Variants in TOX observed in about 807,000 individuals in gnomAD.
The protein encoded by TOX is thymocyte selection associated high mobility group box, also known as thymocyte selection-associated high mobility group box protein TOX.
Under a neutral mutation model 53.7 loss-of-function variants are expected in TOX, and 11 were observed. The ratio of observed to expected loss-of-function variants is 0.20; its 90% CI spans 0.13 to 0.34. The LOEUF is 0.34. TOX is among the 10% of genes least tolerant of loss of function. The pLI is 1.00. For missense variants in TOX, 570 were observed against 664.6 expected, an observed-to-expected ratio of 0.86 and a Z score of 1.56; for synonymous variants, 225 against 245.3, an observed-to-expected ratio of 0.92 and a Z score of 0.77.
chr8:58,907,465 T>C (rs1164435434), intron 3 of TOX, among the ~76,000 whole-genome samples: 1 of 152,100 alleles, frequency 6.6e-6, no homozygotes, highest in East Asian at 1.9e-4. Flanking sequence ...TGTGATGGCG[T>C]GCACGTGTAA....
intron 1 of TOX, among the ~76,000 whole-genome samples, chr8:59,114,719 C>T (rs1002475243): frequency 3.9e-5 from 6 of 152,282 alleles, no homozygotes; most frequent in Non-Finnish European, 8.8e-5. Flanking sequence ...TTGACCTACT[C>T]TTCCTCCCAT....
At position 58,807,790 on chromosome 8, in the gene TOX, GA is replaced by G. The variant is rs1563358122; in HGVS notation, c.1545-8del. ...TTTGTCCCTCTGCATGCCCCTGTAG[GA>G]AGAGAAAAAAGACAGTTCCTTGTTA... On this transcript the variant is annotated splice_polypyrimidine_tract_variant and splice_region_variant and intron_variant, in intron 8 of 8. Transcript: ENST00000361421. 1.9e-6 allele frequency: 3 copies of G among 1,613,922 alleles called. No homozygotes were observed. In the Admixed American group the frequency reaches 5.0e-5, roughly 27 times the overall value.
At chr8:58,998,536 T>TAATAAATTTATGTA (rs11272464) in intron 1 of TOX, among the ~76,000 whole-genome samples, 1,293 of 37,542 alleles carry the variant, frequency 0.034, 41 homozygotes, top group Middle Eastern at 0.11. Context: ...TATATATATA[T>TAATAAATTTATGTA]ATAAATTTAT....
At chr8:58,991,992 GTTACACTAGTT>G (rs1239385080) in intron 1 of TOX, 1 of 152,210 alleles carries the variant, frequency 6.6e-6, no homozygotes, top group Non-Finnish European at 1.5e-5. Context: ...CGGAGCCCTC[GTTACACTAGTT>G]TTACCTGGCA....
intron 1 of TOX, among the ~76,000 whole-genome samples, chr8:58,981,263 C>T (rs1245934592): frequency 6.6e-6 from 1 of 152,194 alleles, no homozygotes; most frequent in Non-Finnish European, 1.5e-5. Context: ...CATCTTCCTT[C>T]CCAATTACCT....
At chr8:58,989,231 G>A (rs774928291) in intron 1 of TOX, among the ~76,000 whole-genome samples, 2 of 151,886 alleles carry the variant, frequency 1.3e-5, no homozygotes, top group Non-Finnish European at 2.9e-5. Context: ...CAGGAGAATC[G>A]CTTGAACCTA....
intron 3 of TOX, among the ~76,000 whole-genome samples, chr8:58,905,344 T>C (rs1489047200): frequency 6.6e-6 from 1 of 152,264 alleles, no homozygotes; most frequent in Non-Finnish European, 1.5e-5. Flanking sequence ...ACTACTTTCC[T>C]AAATATTTTC....
intron 3 of TOX, among the ~76,000 whole-genome samples, chr8:58,928,586 C>T (rs564168630): frequency 4.6e-5 from 7 of 152,204 alleles, no homozygotes; most frequent in South Asian, 4.1e-4. Flanking sequence ...AAAATAGTTA[C>T]GTGATCATAG....
chr8:59,101,436 A>G (rs1292740000), intron 1 of TOX, among the ~76,000 whole-genome samples: 2 of 152,318 alleles, frequency 1.3e-5, no homozygotes, highest in Admixed American at 1.3e-4. Flanking sequence ...TAAAATTGGG[A>G]TATGGGATCA....
At chr8:58,807,969 G>T in intron 8 of TOX, 149 bp downstream of exon 8, 2 of 1,244,116 alleles carry the variant, frequency 1.6e-6, no homozygotes, top group South Asian at 1.5e-5. Flanking sequence ...AGAGCTAGAA[G>T]ACTGCTTAAC....
chr8:58,820,295 C>T (rs953588498), intron 6 of TOX, among the ~76,000 whole-genome samples: 1 of 151,202 alleles, frequency 6.6e-6, no homozygotes, highest in Admixed American at 6.6e-5. Flanking sequence ...AAAAAGGTTT[C>T]CATTTGTCCT....
Position 58,874,440 on chromosome 8 carries a change from G to A in TOX, c.412-22635C>T, listed in dbSNP as rs146562780. 2.6e-3 allele frequency among the ~76,000 whole-genome samples: 390 copies of A among 152,142 alleles called. 3 individuals are homozygous for A. The highest frequency in any genetic ancestry group is 0.014 in the East Asian group (73 of 5,168). On this transcript the variant is annotated intron_variant, in intron 3 of 8. Coordinates refer to ENST00000361421, the MANE Select transcript of TOX (RefSeq NM_014729.3). ...TTCCTAAGACTTTGTGAGCGCTAAG[G>A]TAACGTTGGCTTCTGGATTCGCCTA... is the stretch of plus-strand genomic sequence containing the variant.
At position 58,896,607 on chromosome 8, in the gene TOX, G is replaced by C. The variant is rs185112145; in HGVS notation, c.411+42695C>G. On this transcript the variant is annotated intron_variant, in intron 3 of 8. Transcript: ENST00000361421. The stretch of plus-strand genomic sequence containing the variant: ...GGGGAATCGCTTGAACCAGGGAGTC[G>C]GAGGTTGCAGTGAGCCGAGATCATG... 5.3e-5 allele frequency among the ~76,000 whole-genome samples: 8 copies of C among 152,166 alleles called. No homozygotes were observed. The South Asian group carries it at 1.7e-3, about 32-fold the overall frequency.
At chr8:58,947,449 A>G (rs1291183690) in intron 2 of TOX, among the ~76,000 whole-genome samples, 1 of 152,192 alleles carries the variant, frequency 6.6e-6, no homozygotes, top group Non-Finnish European at 1.5e-5. Context: ...CTCTTCAGCT[A>G]TATGTAATTT....
At chr8:59,088,023 G>C (rs1027368806) in intron 1 of TOX, among the ~76,000 whole-genome samples, 1 of 152,166 alleles carries the variant, frequency 6.6e-6, no homozygotes, top group Admixed American at 6.5e-5. Flanking sequence ...CCTCAAGAAA[G>C]TGTCAAATAT....
rs1805114573 is a variant in TOX at position 59,117,159 on chromosome 8, A to G, written c.102+1727T>C. Among the ~76,000 whole-genome samples the G allele has an allele frequency of 6.6e-6, 1 of 152,236 alleles. No homozygotes were observed. The highest frequency in any genetic ancestry group is 2.4e-5 in the African/African-American group (1 of 41,460). On this transcript the variant is annotated intron_variant, in intron 1 of 8. Transcript: ENST00000361421. The surrounding 1 kb of genome is among the most constrained non-coding windows in gnomAD (Gnocchi z 4.6). ...TTTTGGTTCCGGTAACTACAGTGGA[A>G]TAAGTCTTTACTCTCCAAGATAGGG...
At chr8:59,078,503 C>A (rs1228624476) in intron 1 of TOX, among the ~76,000 whole-genome samples, 2 of 152,190 alleles carry the variant, frequency 1.3e-5, no homozygotes, top group East Asian at 3.8e-4. Flanking sequence ...GTGTGAGGTG[C>A]CTGCTCCCTC....
chr8:58,953,438 T>A (rs1308297952), intron 2 of TOX, among the ~76,000 whole-genome samples: 1 of 152,232 alleles, frequency 6.6e-6, no homozygotes, highest in African/African-American at 2.4e-5. Flanking sequence ...ATCTTTTTAA[T>A]TTTGAGTAAT....
At chr8:58,839,809 A>G (rs1810613883) in intron 4 of TOX, among the ~76,000 whole-genome samples, 1 of 152,368 alleles carries the variant, frequency 6.6e-6, no homozygotes, top group South Asian at 2.1e-4. Context: ...ATATTTGTGT[A>G]AAATAACTGC....
Sources: gnomAD v4.1 joint callset for allele counts (sites outside exome capture counted in the v4.1 genomes callset) on GRCh38, gnomAD v4.1.1 for gene constraint, Gnocchi (gnomAD v3.1) non-coding constraint, MANE v1.5 for transcripts, NCBI Gene and HGNC (gene_info 2026-07-23, HGNC 2026-07-21) for gene names.